TMED10: variants seen among roughly 807,000 people sequenced by gnomAD.
TMED10 encodes transmembrane p24 trafficking protein 10.
Under a neutral mutation model 23.1 loss-of-function variants are expected in TMED10, and 7 were observed. The observed-to-expected ratio is 0.30, with a 90% CI of 0.17 to 0.57. The LOEUF (loss-of-function observed/expected upper bound fraction) is 0.57, where lower values mean the gene tolerates loss of function less well. TMED10 is among the 20% of genes least tolerant of loss of function. The probability of loss-of-function intolerance (pLI) is 0.91; values close to 1 mark genes in which losing one functional copy is unlikely to be tolerated. For synonymous variants in TMED10, 113 were observed against 106.9 expected, an observed-to-expected ratio of 1.06 and a Z score of -0.35; for missense variants, 162 against 274.8, an observed-to-expected ratio of 0.59 and a Z score of 2.90.
intron 1 of TMED10, among the ~76,000 whole-genome samples, chr14:75,164,563 ATATATATATATATATT>A (rs1365554639): frequency 2.1e-3 from 9 of 4,236 alleles, no homozygotes; most frequent in African/African-American, 4.2e-3. Context: ...ATATATATAT[ATATATATATATATATT>A]TTTTTTTTTT....
intron 1 of TMED10, among the ~76,000 whole-genome samples, chr14:75,154,401 C>CAGAAAAAAA (rs1895995496): frequency 6.6e-5 from 1 of 15,252 alleles, no homozygotes; most frequent in Admixed American, 1.7e-3. Context: ...GACTCTGTCT[C>CAGAAAAAAA]AAAAAAAAAA....
At chr14:75,171,320 C>T (rs1157244353) in intron 1 of TMED10, among the ~76,000 whole-genome samples, 1 of 151,348 alleles carries the variant, frequency 6.6e-6, no homozygotes, top group Non-Finnish European at 1.5e-5. Context: ...CGCTCTGTCA[C>T]CCAGGCTGGA....
At chr14:75,167,207 T>C (rs1371088772) in intron 1 of TMED10, among the ~76,000 whole-genome samples, 1 of 152,194 alleles carries the variant, frequency 6.6e-6, no homozygotes, top group East Asian at 1.9e-4. Context: ...CCCAAAGTGC[T>C]GGGATTACAG....
chr14:75,155,104 A>G (rs1182100623), intron 1 of TMED10, among the ~76,000 whole-genome samples: 1 of 151,902 alleles, frequency 6.6e-6, no homozygotes, highest in African/African-American at 2.4e-5. Context: ...GACTACAGGC[A>G]TGCACCCCCA....
At position 75,132,450 on chromosome 14, in the gene TMED10, TG is replaced by T. The variant is rs1352744475; in HGVS notation, c.*2434del. 6.9e-6 allele frequency: 1 copy of T among 144,046 alleles called. No individual in the cohort carries two copies. The highest frequency in any genetic ancestry group is 1.5e-5 in the Non-Finnish European group (1 of 65,412). 8.9% of individuals were successfully genotyped at this position (144,046 alleles called of 1,614,324 possible). ...TAACCCACATATTATTTTCTCTACT[TG>T]GATGCATCCTCTGTAACTTAGTATA... On this transcript the variant is annotated 3_prime_UTR_variant, in exon 5 of 5. Coordinates refer to ENST00000303575, the MANE Select transcript of TMED10 (RefSeq NM_006827.6).
At chr14:75,150,664 A>G (rs1282392736) in intron 2 of TMED10, among the ~76,000 whole-genome samples, 1 of 152,236 alleles carries the variant, frequency 6.6e-6, no homozygotes, top group Non-Finnish European at 1.5e-5. Flanking sequence ...GTAGTAGGCT[A>G]TACCATATAG....
chr14:75,152,286 A>G, intron 1 of TMED10, 143 bp from the exon 2 acceptor site: 1 of 645,478 alleles, frequency 1.5e-6, no homozygotes, highest in Non-Finnish European at 2.6e-6. Flanking sequence ...ATCCCCAAAG[A>G]CAAAAACTGG....
intron 1 of TMED10, among the ~76,000 whole-genome samples, chr14:75,153,777 C>CTTTTTTTTTTTTT (rs59328978): frequency 7.6e-6 from 1 of 131,752 alleles, no homozygotes; most frequent in Non-Finnish European, 1.6e-5. Context: ...TTTTTTTTCC[C>CTTTTTTTTTTTTT]TTTTTTTTTT....
At chr14:75,140,147 G>A (rs1341660696) in intron 3 of TMED10, among the ~76,000 whole-genome samples, 1 of 152,070 alleles carries the variant, frequency 6.6e-6, no homozygotes, top group Admixed American at 6.6e-5. Flanking sequence ...CCAGAACTAT[G>A]AGAAATAAAT....
intron 3 of TMED10, chr14:75,139,011 T>A: frequency 2.9e-6 from 1 of 345,080 alleles, no homozygotes; most frequent in South Asian, 2.4e-5. Context: ...AACACATAAA[T>A]ATATTCTTTG....
chr14:75,174,403 C>T (rs1444707449), intron 1 of TMED10, among the ~76,000 whole-genome samples: 2 of 152,026 alleles, frequency 1.3e-5, no homozygotes, highest in African/African-American at 2.4e-5. Flanking sequence ...CACTGAAGGG[C>T]TTTAAAATAT....
rs1036271700 is a variant in TMED10 at position 75,131,724 on chromosome 14, C to T, written c.*3161G>A. On this transcript the variant is annotated 3_prime_UTR_variant, in exon 5 of 5. Coordinates refer to ENST00000303575, the MANE Select transcript of TMED10 (RefSeq NM_006827.6). ...AACACCCGATTTTAAAGCTTATTTG[C>T]TCTTGTGTCAGTCTTTTGTCAAAGG... 6.6e-6 allele frequency: 1 copy of T among 152,238 alleles called. No individual in the cohort carries two copies. The highest frequency in any genetic ancestry group is 2.4e-5 in the African/African-American group (1 of 41,444). The allele number at this position is 152,238 out of a possible 1,614,324, so 9.4% of individuals were successfully genotyped here. A position where few individuals can be genotyped will look rare whatever the true frequency, so the allele number is the denominator to read the frequency against.
In TMED10 at chr14:75,132,742, C is replaced by A. The variant is rs1430023409; in HGVS notation, c.*2143G>T. The stretch of plus-strand genomic sequence containing the variant: ...ACTCATTCCCTCTTCCACCTTTGTA[C>A]TTTATCCAGGTCAACACATCAGGGT... On this transcript the variant is annotated 3_prime_UTR_variant, in exon 5 of 5. Transcript: ENST00000303575. The A allele has an allele frequency of 1.3e-5, 2 of 152,466 alleles. No homozygotes were observed. The highest frequency in any genetic ancestry group is 4.1e-4 in the South Asian group (2 of 4,832). 9.4% of individuals were successfully genotyped at this position (152,466 alleles called of 1,614,324 possible). A position where few individuals can be genotyped will look rare whatever the true frequency, so the allele number is the denominator to read the frequency against.
chr14:75,166,500 C>T (rs1000424536), intron 1 of TMED10, among the ~76,000 whole-genome samples: 9 of 152,174 alleles, frequency 5.9e-5, no homozygotes, highest in African/African-American at 9.7e-5. Context: ...CAGACTCAGT[C>T]TTCAGAAGTC....
chr14:75,150,697 A>G (rs1025837139), intron 2 of TMED10, among the ~76,000 whole-genome samples: 2 of 152,186 alleles, frequency 1.3e-5, no homozygotes, highest in Non-Finnish European at 2.9e-5. Flanking sequence ...GTAGGCTATA[A>G]CATCTAGGTT....
At chr14:75,163,816 G>A (rs1330797584) in intron 1 of TMED10, among the ~76,000 whole-genome samples, 1 of 151,586 alleles carries the variant, frequency 6.6e-6, no homozygotes. Flanking sequence ...TTTTAGATAG[G>A]GTCTCACTGT....
At chr14:75,173,221 A>G (rs927228531) in intron 1 of TMED10, among the ~76,000 whole-genome samples, 6 of 152,172 alleles carry the variant, frequency 3.9e-5, no homozygotes, top group African/African-American at 1.4e-4. Flanking sequence ...CTCCATTTCT[A>G]CAAACAAATA....
chr14:75,169,117 C>T (rs1896198802), intron 1 of TMED10, among the ~76,000 whole-genome samples: 2 of 152,204 alleles, frequency 1.3e-5, no homozygotes, highest in African/African-American at 4.8e-5. Flanking sequence ...CGTCTGTTCA[C>T]TAATTCCTTA....
chr14:75,176,316 C>T, intron 1 of TMED10, 39 bp downstream of exon 1: 1 of 1,610,346 alleles, frequency 6.2e-7, no homozygotes, highest in Non-Finnish European at 8.5e-7. Flanking sequence ...CCTAAGCCTG[C>T]CGTCTTCCCT....
Sources: gnomAD v4.1 joint callset for allele counts (sites outside exome capture counted in the v4.1 genomes callset) on GRCh38, gnomAD v4.1.1 for gene constraint, MANE v1.5 for transcripts, NCBI Gene and HGNC (gene_info 2026-07-23, HGNC 2026-07-21) for gene names.